MCC: variants seen among roughly 807,000 people sequenced by gnomAD.
MCC encodes colorectal mutant cancer protein.
A neutral mutation model predicts 116.2 loss-of-function variants in MCC; 90 were observed. The observed-to-expected ratio is 0.77, with a 90% CI of 0.65 to 0.92. The LOEUF (loss-of-function observed/expected upper bound fraction) is 0.92. MCC is among the 40% of genes least tolerant of loss of function. The pLI is 0.00. For missense variants in MCC, 1,516 were observed against 1,312.2 expected (o/e 1.16, Z -2.40); for synonymous variants, 578 against 510.5 (o/e 1.13, Z -1.78).
At chr5:113,482,408 C>T (rs1295694217) in intron 1 of MCC, among the ~76,000 whole-genome samples, 1 of 152,166 alleles carries the variant, frequency 6.6e-6, no homozygotes, top group African/African-American at 2.4e-5. Context: ...TTCTTTACAT[C>T]CTTGTCAACA....
At chr5:113,055,099 G>A (rs987927656) in intron 14 of MCC, among the ~76,000 whole-genome samples, 1 of 152,222 alleles carries the variant, frequency 6.6e-6, no homozygotes, top group African/African-American at 2.4e-5. Flanking sequence ...AACAGGCCAG[G>A]CTGTGTTGTC....
chr5:113,461,400 G>A (rs1771737153), intron 1 of MCC, among the ~76,000 whole-genome samples: 2 of 152,210 alleles, frequency 1.3e-5, no homozygotes, highest in Non-Finnish European at 2.9e-5. Flanking sequence ...AAAGTGTGAA[G>A]TTTTTGCCCA....
intron 13 of MCC, among the ~76,000 whole-genome samples, 163 bp downstream of exon 13, chr5:113,067,917 C>T (rs1269026859): frequency 3.9e-5 from 6 of 152,246 alleles, no homozygotes; most frequent in African/African-American, 1.2e-4. Context: ...CTGCATTCAA[C>T]ATAAACAATT....
intron 6 of MCC, among the ~76,000 whole-genome samples, chr5:113,107,208 C>CTTTTTTTTTTTTTTTTTTTTTTTT (rs746820475): frequency 2.4e-5 from 3 of 125,070 alleles, no homozygotes; most frequent in Non-Finnish European, 3.1e-5. Flanking sequence ...GCATGTTTTT[C>CTTTTTTTTTTTTTTTTTTTTTTTT]TTTTTTTTTT....
intron 11 of MCC, among the ~76,000 whole-genome samples, chr5:113,072,595 G>C (rs1754115016): frequency 6.6e-6 from 1 of 152,124 alleles, no homozygotes; most frequent in Non-Finnish European, 1.5e-5. Flanking sequence ...GCCATGGTGG[G>C]TCTCTGCTGG....
chr5:113,199,621 C>CA (rs1762586078), intron 3 of MCC, among the ~76,000 whole-genome samples: 1 of 152,152 alleles, frequency 6.6e-6, no homozygotes, highest in Admixed American at 6.5e-5. Context: ...CACTGTGTGC[C>CA]ATGGGCCATA....
At chr5:113,279,689 A>G (rs13190161) in intron 3 of MCC, among the ~76,000 whole-genome samples, 19 of 152,318 alleles carry the variant, frequency 1.2e-4, no homozygotes, top group African/African-American at 4.6e-4. Context: ...GTCCAGATGC[A>G]TTACGTTACC....
intron 3 of MCC, among the ~76,000 whole-genome samples, chr5:113,214,374 C>G (rs557420076): frequency 6.6e-6 from 1 of 152,372 alleles, no homozygotes; most frequent in East Asian, 1.9e-4. Context: ...TAATCAAACT[C>G]CATGAACTGA....
intron 3 of MCC, among the ~76,000 whole-genome samples, chr5:113,271,751 T>C (rs577048074): frequency 6.6e-6 from 1 of 152,018 alleles, no homozygotes; most frequent in South Asian, 2.1e-4. Flanking sequence ...ATCAGGGGAG[T>C]AGGTTCCTCA....
chr5:113,153,363 C>G (rs182336255), intron 3 of MCC, among the ~76,000 whole-genome samples: 22 of 152,280 alleles, frequency 1.4e-4, no homozygotes, highest in Admixed American at 1.4e-3. Flanking sequence ...TGCTCCCCCA[C>G]AGACTCCATG....
At chr5:113,396,448 C>G (rs1008695697) in intron 1 of MCC, among the ~76,000 whole-genome samples, 4 of 149,144 alleles carry the variant, frequency 2.7e-5, no homozygotes, top group African/African-American at 7.5e-5. Context: ...CTGGCCAACA[C>G]GGTGAAACCC....
chr5:113,459,401 G>C (rs893643404), intron 1 of MCC, among the ~76,000 whole-genome samples: 10 of 151,820 alleles, frequency 6.6e-5, no homozygotes, highest in Non-Finnish European at 4.4e-5. Context: ...GGCCGGGCGT[G>C]GTTGTGGGTG....
Position 113,488,367 on chromosome 5 carries a change from G to GCCA in MCC, c.47_48insTGG (p.Gly21dup), listed in dbSNP as rs774687710. 1.3e-6 allele frequency: 2 copies of GCCA among 1,518,524 alleles called. No individual in the cohort carries two copies. The highest frequency in any genetic ancestry group is 5.7e-5 in the East Asian group (2 of 35,280). The allele number at this position is 1,518,524 out of a possible 1,614,324, so 94.1% of individuals were successfully genotyped here. ...TGCTGCCGCTGCCGCCGCCGCCGCC[G>GCCA]CCGCTGCTGGAGCTCCCCGCAGCCG... On this transcript the variant is annotated inframe_insertion, in exon 1 of 19. Transcript: ENST00000408903.
rs1274427225 is a variant in MCC at position 113,280,710 on chromosome 5, G to A, written c.627+59809C>T. ...TGTTTTGAGAGGGCAGGAGGGAGGA[G>A]GAGGAAGAATACTGACTACAAGAAG... is the stretch of plus-strand genomic sequence containing the variant. On this transcript the variant is annotated intron_variant, in intron 3 of 18. Transcript: ENST00000408903. Among the ~76,000 whole-genome samples, 3 of 152,272 alleles carry A rather than the reference G, an allele frequency of 2.0e-5. No homozygotes were observed. In the East Asian group the frequency reaches 5.8e-4, roughly 29 times the overall value.
At chr5:113,042,274 C>A (rs1751759281) in intron 17 of MCC, among the ~76,000 whole-genome samples, 1 of 148,494 alleles carries the variant, frequency 6.7e-6, no homozygotes, top group African/African-American at 2.5e-5. Context: ...GAGTTTGAGA[C>A]CAGCCTGGGC....
At chr5:113,293,633 T>C (rs1031120772) in intron 3 of MCC, among the ~76,000 whole-genome samples, 10 of 152,218 alleles carry the variant, frequency 6.6e-5, no homozygotes, top group Non-Finnish European at 1.3e-4. Context: ...ATTTGCATAG[T>C]GTTTGATGTA....
At chr5:113,349,889 A>G (rs1188659624) in intron 2 of MCC, among the ~76,000 whole-genome samples, 1 of 152,124 alleles carries the variant, frequency 6.6e-6, no homozygotes, top group Non-Finnish European at 1.5e-5. Context: ...GCATTTCTAT[A>G]TGCCAATAGT....
In MCC at chr5:113,117,474, C is replaced by T. The variant is rs866349553; in HGVS notation, c.1027+5210G>A. ...TAGATTTCAACCCTAAGGGTATAAA[C>T]CTCAACCCTCAGGGTATAATGGTTT... On this transcript the variant is annotated intron_variant, in intron 6 of 18. Coordinates refer to ENST00000408903, the MANE Select transcript of MCC (RefSeq NM_001085377.2). 3.4e-4 allele frequency among the ~76,000 whole-genome samples: 52 copies of T among 152,282 alleles called. 1 individual carries two copies. The highest frequency in any genetic ancestry group is 6.8e-3 in the Middle Eastern group (2 of 294).
intron 17 of MCC, 105 bp from the exon 18 acceptor site, chr5:113,029,161 G>C: frequency 8.7e-7 from 1 of 1,152,148 alleles, no homozygotes; most frequent in Non-Finnish European, 1.2e-6. Context: ...AGCTTGCAAA[G>C]CCTAAAGGCA....
Sources: allele counts gnomAD v4.1 joint callset (sites outside exome capture counted in the v4.1 genomes callset), GRCh38; gene constraint gnomAD v4.1.1; transcripts MANE v1.5; gene names NCBI Gene and HGNC (gene_info 2026-07-23, HGNC 2026-07-21).